Variants in DOK5 observed in about 807,000 individuals in gnomAD.
DOK5 encodes downstream of tyrosine kinase 5.
Under a neutral mutation model 43.3 loss-of-function variants are expected in DOK5, and 27 were observed. That is an observed-to-expected ratio of 0.62 (90% CI 0.46 to 0.86). The LOEUF is 0.86. Ranked by LOEUF, DOK5 falls within the 40% of genes least tolerant of loss-of-function variation. The probability of loss-of-function intolerance (pLI) is 0.00; values close to 1 mark genes in which losing one functional copy is unlikely to be tolerated. For synonymous variants in DOK5, 146 were observed against 140.1 expected (o/e 1.04, Z -0.30); for missense variants, 373 against 392.9 (o/e 0.95, Z 0.43).
At chr20:54,478,360 A>G (rs1035902108) in intron 1 of DOK5, among the ~76,000 whole-genome samples, 13 of 152,234 alleles carry the variant, frequency 8.5e-5, no homozygotes, top group African/African-American at 2.4e-4. Flanking sequence ...AATCTAGGCT[A>G]CATATAGTCT....
intron 6 of DOK5, among the ~76,000 whole-genome samples, chr20:54,624,270 A>G (rs1246803359): frequency 6.6e-6 from 1 of 152,192 alleles, no homozygotes; most frequent in Non-Finnish European, 1.5e-5. Context: ...TCACAAAAGC[A>G]CCTGCTTCCA....
At chr20:54,534,593 C>G (rs1983888378) in intron 1 of DOK5, among the ~76,000 whole-genome samples, 1 of 152,182 alleles carries the variant, frequency 6.6e-6, no homozygotes, top group African/African-American at 2.4e-5. Flanking sequence ...CAGGTCTTAG[C>G]TCACACAGTT....
intron 2 of DOK5, among the ~76,000 whole-genome samples, chr20:54,586,830 C>T (rs1020995093): frequency 3.3e-5 from 5 of 151,678 alleles, no homozygotes; most frequent in African/African-American, 4.8e-5. Context: ...ACAAAGTCCA[C>T]GGTGGCTGAG....
intron 2 of DOK5, among the ~76,000 whole-genome samples, chr20:54,571,945 G>T (rs570443872): frequency 5.9e-5 from 9 of 152,222 alleles, no homozygotes; most frequent in Middle Eastern, 3.4e-3. Context: ...TTGCCTGGAA[G>T]CTCATCTTTG....
intron 1 of DOK5, among the ~76,000 whole-genome samples, chr20:54,539,490 A>G (rs1032581119): frequency 1.3e-5 from 2 of 152,130 alleles, no homozygotes; most frequent in Non-Finnish European, 2.9e-5. Flanking sequence ...AGAAACTGAG[A>G]AAGAGTAGCT....
At chr20:54,587,929 G>A (rs1484202409) in intron 2 of DOK5, among the ~76,000 whole-genome samples, 1 of 152,154 alleles carries the variant, frequency 6.6e-6, no homozygotes, top group Non-Finnish European at 1.5e-5. Context: ...TGGACCTCAA[G>A]TCAGGGGTCG....
In DOK5 at chr20:54,476,885, G is replaced by A. The variant is rs112054002; in HGVS notation, c.66+873G>A. On this transcript the variant is annotated intron_variant, in intron 1 of 7. Coordinates refer to ENST00000262593, the MANE Select transcript of DOK5 (RefSeq NM_018431.5). ...CCTCTCCTTGGGACTGAATGATGGTGGAAGAATTCTTGAGGGAGAGGGAAG... is the reference window on the plus strand; with the variant it reads ...CCTCTCCTTGGGACTGAATGATGGTAGAAGAATTCTTGAGGGAGAGGGAAG... Among the ~76,000 whole-genome samples the A allele has an allele frequency of 5.8e-4, 88 of 152,154 alleles. 1 individual carries two copies. Among genetic ancestry groups the A allele is most frequent in the African/African-American group, 2.0e-3 (83 of 41,502 alleles).
chr20:54,605,052 C>T (rs1423016705), intron 5 of DOK5, among the ~76,000 whole-genome samples: 1 of 148,386 alleles, frequency 6.7e-6, no homozygotes, highest in African/African-American at 2.5e-5. Context: ...CACACGTATA[C>T]ACACACACAC....
At chr20:54,513,813 TA>T (rs1400042890) in intron 1 of DOK5, among the ~76,000 whole-genome samples, 3 of 152,218 alleles carry the variant, frequency 2.0e-5, no homozygotes, top group Non-Finnish European at 4.4e-5. Flanking sequence ...AATAAATGAA[TA>T]AATACGAGAA....
intron 5 of DOK5, among the ~76,000 whole-genome samples, chr20:54,607,838 G>A (rs4811511): frequency 0.34 from 51,872 of 151,556 alleles, 13,685 homozygotes; most frequent in African/African-American, 0.73. Flanking sequence ...AGCCAAGATC[G>A]CACCACTGCA....
intron 6 of DOK5, among the ~76,000 whole-genome samples, chr20:54,612,058 CTT>C (rs1170275496): frequency 6.6e-6 from 1 of 152,214 alleles, no homozygotes; most frequent in East Asian, 1.9e-4. Context: ...TCAAAACAAA[CTT>C]TATTAATGGA....
intron 2 of DOK5, among the ~76,000 whole-genome samples, chr20:54,578,585 A>C (rs979580177): frequency 7.9e-5 from 12 of 152,184 alleles, no homozygotes; most frequent in Non-Finnish European, 1.8e-4. Context: ...GATATCTAAA[A>C]ATAAATAACT....
At chr20:54,565,337 C>G (rs1215069646) in intron 2 of DOK5, among the ~76,000 whole-genome samples, 1 of 152,220 alleles carries the variant, frequency 6.6e-6, no homozygotes, top group African/African-American at 2.4e-5. Flanking sequence ...TGGCCTCTCT[C>G]TCTCAAAATA....
chr20:54,583,744 C>A (rs1220755746), intron 2 of DOK5, among the ~76,000 whole-genome samples: 4 of 151,988 alleles, frequency 2.6e-5, no homozygotes, highest in Admixed American at 2.6e-4. Context: ...TATCTTTTTC[C>A]ATTTTTTCAC....
intron 1 of DOK5, among the ~76,000 whole-genome samples, chr20:54,547,954 C>T (rs1389624158): frequency 6.6e-6 from 1 of 152,072 alleles, no homozygotes; most frequent in Non-Finnish European, 1.5e-5. Flanking sequence ...CCTCATTTTG[C>T]CCCCCAGAGG....
At chr20:54,554,201 C>A (rs1043546809) in intron 1 of DOK5, among the ~76,000 whole-genome samples, 3 of 152,088 alleles carry the variant, frequency 2.0e-5, no homozygotes, top group Non-Finnish European at 4.4e-5. Flanking sequence ...AAGGCTAGAT[C>A]TCAGTATTAG....
chr20:54,631,278 T>C (rs1434630979), intron 6 of DOK5, among the ~76,000 whole-genome samples: 1 of 152,162 alleles, frequency 6.6e-6, no homozygotes, highest in Non-Finnish European at 1.5e-5. Context: ...CCAGGCATAG[T>C]GGCACATGCC....
intron 1 of DOK5, among the ~76,000 whole-genome samples, chr20:54,501,867 A>G (rs1982622124): frequency 6.6e-6 from 1 of 152,254 alleles, no homozygotes; most frequent in Non-Finnish European, 1.5e-5. Context: ...AACTAGAAAG[A>G]AGACACTTAA....
At chr20:54,585,997 G>T (rs561671920) in intron 2 of DOK5, among the ~76,000 whole-genome samples, 80 of 152,244 alleles carry the variant, frequency 5.3e-4, no homozygotes, top group African/African-American at 1.9e-3. Flanking sequence ...GGTGGTGGGC[G>T]CCTGTAATTC....
Sources: gnomAD v4.1 joint callset for allele counts (sites outside exome capture counted in the v4.1 genomes callset) on GRCh38, gnomAD v4.1.1 for gene constraint, MANE v1.5 for transcripts, NCBI Gene and HGNC (gene_info 2026-07-23, HGNC 2026-07-21) for gene names.